The following CUX1 variants were observed in gnomAD, a reference collection of about 807,000 sequenced individuals.
CUX1 encodes the protein protein CASP.
A neutral mutation model predicts 158.8 loss-of-function variants in CUX1; 31 were observed. That is an observed-to-expected ratio of 0.20 (90% CI 0.15 to 0.26). The LOEUF (loss-of-function observed/expected upper bound fraction) is 0.26, where lower values mean the gene tolerates loss of function less well. Ranked by LOEUF, CUX1 falls within the 10% of genes least tolerant of loss-of-function variation. CUX1 has a pLI of 1.00. For missense variants in CUX1, 1,589 were observed against 2,014.6 expected (o/e 0.79, Z 4.04); for synonymous variants, 879 against 862.1 (o/e 1.02, Z -0.34).
At chr7:102,242,490 C>A (rs918646268) in intron 23 of CUX1, among the ~76,000 whole-genome samples, 1 of 152,202 alleles carries the variant, frequency 6.6e-6, no homozygotes, top group African/African-American at 2.4e-5. Flanking sequence ...GGATTACAGG[C>A]GTGAGCCACC....
In CUX1 at chr7:101,869,130, G is replaced by GT. The variant is rs1798220114; in HGVS notation, c.31-46984dup. 6.6e-6 allele frequency among the ~76,000 whole-genome samples: 1 copy of GT among 152,152 alleles called. No homozygotes were observed. The highest frequency in any genetic ancestry group is 6.5e-5 in the Admixed American group (1 of 15,276). On this transcript the variant is annotated intron_variant, in intron 1 of 23. Coordinates refer to ENST00000292535, the MANE Select transcript of CUX1 (RefSeq NM_181552.4). This position sits in a 1 kb window ranked among gnomAD's most constrained non-coding sequence, Gnocchi z 4.5. ...GGGCAGGTAGCAAAGGCCAGAAGGA[G>GT]TGGGAGTCATTCCACCTGGGATGTG...
At chr7:102,036,766 A>C (rs925302700) in intron 3 of CUX1, among the ~76,000 whole-genome samples, 33 of 151,492 alleles carry the variant, frequency 2.2e-4, no homozygotes, top group African/African-American at 6.8e-4. Context: ...ACAAACAAAA[A>C]AAAAAAAAAA....
At chr7:102,047,058 G>T (rs993146587) in intron 3 of CUX1, among the ~76,000 whole-genome samples, 1 of 152,164 alleles carries the variant, frequency 6.6e-6, no homozygotes. Context: ...CTCAGGGAAG[G>T]TCTGTTCATT....
chr7:102,203,013 C>G (rs969310044), intron 18 of CUX1, among the ~76,000 whole-genome samples: 18 of 152,300 alleles, frequency 1.2e-4, no homozygotes, highest in African/African-American at 4.3e-4. Flanking sequence ...GTCGCCCATG[C>G]TAGAGTGCAG....
chr7:102,256,691 C>G lies in CUX1; in HGVS notation c.*7649C>G. ...TTGAGGAGCTTCAGAGGAATCTTAGCAAAGCCAAGTTCAGTTCCCCAAAGC... is the reference window on the plus strand; with the variant it reads ...TTGAGGAGCTTCAGAGGAATCTTAGGAAAGCCAAGTTCAGTTCCCCAAAGC... On this transcript the variant is annotated 3_prime_UTR_variant, in exon 24 of 24. Coordinates refer to ENST00000292535, the MANE Select transcript of CUX1 (RefSeq NM_181552.4). 1 of 985,418 alleles carries G rather than the reference C, an allele frequency of 1.0e-6. No individual in the cohort carries two copies. The highest frequency in any genetic ancestry group is 1.2e-6 in the Non-Finnish European group (1 of 829,940). 61.0% of individuals were successfully genotyped at this position (985,418 alleles called of 1,614,324 possible). A position where few individuals can be genotyped will look rare whatever the true frequency, so the allele number is the denominator to read the frequency against.
At chr7:101,817,413 G>T (rs1791973890), upstream of CUX1, 2 of 984,606 alleles carry the variant, frequency 2.0e-6, no homozygotes, top group Non-Finnish European at 2.4e-6. The surrounding 1 kb of genome is among the most constrained non-coding windows in gnomAD (Gnocchi z 4.1). Context: ...CCGGGGGCCC[G>T]TTGGGACCGT....
intron 2 of CUX1, among the ~76,000 whole-genome samples, chr7:101,991,111 A>G (rs1815055223): frequency 6.6e-6 from 1 of 152,168 alleles, no homozygotes; most frequent in South Asian, 2.1e-4. Flanking sequence ...CCCCGCACCC[A>G]CAGGTTCAGA....
intron 2 of CUX1, among the ~76,000 whole-genome samples, chr7:101,922,423 T>C (rs548904359): frequency 1.3e-5 from 2 of 152,312 alleles, no homozygotes; most frequent in East Asian, 3.9e-4. Flanking sequence ...ACAGTTCTGC[T>C]TTTTGAGCCT....
chr7:101,942,953 G>A (rs1366126693), intron 2 of CUX1, among the ~76,000 whole-genome samples: 7 of 152,302 alleles, frequency 4.6e-5, no homozygotes, highest in Middle Eastern at 6.8e-3. Flanking sequence ...CAGCTTGGAC[G>A]GGAATCTGTC....
Position 102,251,902 on chromosome 7 carries a change from G to A in CUX1, c.*2860G>A. On this transcript the variant is annotated 3_prime_UTR_variant, in exon 24 of 24. Transcript: ENST00000292535. ...AAATACAGATTTGTCCATTCTAGTG[G>A]CCAAACAGTAACAGTCTAAAATGCA... The A allele has an allele frequency of 1.0e-6, 1 of 985,346 alleles. No homozygotes were observed. The highest frequency in any genetic ancestry group is 5.2e-4 in the Middle Eastern group (1 of 1,914). 61.0% of individuals were successfully genotyped at this position (985,346 alleles called of 1,614,324 possible). A position where few individuals can be genotyped will look rare whatever the true frequency, so the allele number is the denominator to read the frequency against.
intron 4 of CUX1, among the ~76,000 whole-genome samples, chr7:102,075,170 A>G (rs1826572725): frequency 6.6e-6 from 1 of 152,036 alleles, no homozygotes; most frequent in South Asian, 2.1e-4. Context: ...TGTTCTGAGC[A>G]TTTTGTCACC....
intron 2 of CUX1, among the ~76,000 whole-genome samples, chr7:101,994,946 AATT>A (rs1815651476): frequency 6.6e-6 from 1 of 151,402 alleles, no homozygotes; most frequent in Non-Finnish European, 1.5e-5. Flanking sequence ...AAAAAAAAAA[AATT>A]AGCCGGGCAT....
intron 1 of CUX1, among the ~76,000 whole-genome samples, chr7:101,914,329 A>T (rs1324847602): frequency 2.8e-5 from 4 of 145,122 alleles, no homozygotes; most frequent in Non-Finnish European, 6.0e-5. Flanking sequence ...CTGCTTTTTA[A>T]AGTGTCTACG....
chr7:102,037,947 C>T (rs1435449555), intron 3 of CUX1, among the ~76,000 whole-genome samples: 1 of 151,174 alleles, frequency 6.6e-6, no homozygotes, highest in Non-Finnish European at 1.5e-5. Flanking sequence ...CTCAGCTACT[C>T]GGGAGACTGA....
At chr7:102,180,946 ATTTT>A (rs1563363729) in intron 11 of CUX1, among the ~76,000 whole-genome samples, 1 of 125,288 alleles carries the variant, frequency 8.0e-6, no homozygotes, top group Non-Finnish European at 1.6e-5. Flanking sequence ...ATTTTATTTT[ATTTT>A]ATTTTATTTG....
intron 4 of CUX1, 115 bp from the exon 5 acceptor site, chr7:102,097,249 T>A: frequency 4.6e-6 from 6 of 1,300,180 alleles, no homozygotes; most frequent in Non-Finnish European, 6.2e-6. Flanking sequence ...GACTGTGGCC[T>A]CTGGGGAGCC....
intron 2 of CUX1, among the ~76,000 whole-genome samples, chr7:101,969,903 G>T (rs1005976581): frequency 7.0e-6 from 1 of 142,182 alleles, no homozygotes; most frequent in African/African-American, 2.6e-5. Context: ...GCCCCAACGC[G>T]TATCAGGATT....
chr7:102,006,634 C>T (rs148821110), intron 2 of CUX1, among the ~76,000 whole-genome samples: 1,761 of 152,302 alleles, frequency 0.012, 12 homozygotes, highest in South Asian at 0.049. Flanking sequence ...CCACCCGCTT[C>T]AGCCTCCCAA....
At chr7:101,816,760 C>G (rs1239686826), upstream of CUX1, among the ~76,000 whole-genome samples, 1 of 142,186 alleles carries the variant, frequency 7.0e-6, no homozygotes, top group Non-Finnish European at 1.6e-5. Flanking sequence ...CGGCCACCGG[C>G]GGCGGCGGCG....
Sources: gnomAD v4.1 joint callset for allele counts (sites outside exome capture counted in the v4.1 genomes callset) on GRCh38, gnomAD v4.1.1 for gene constraint, Gnocchi (gnomAD v3.1) non-coding constraint, MANE v1.5 for transcripts, NCBI Gene and HGNC (gene_info 2026-07-23, HGNC 2026-07-21) for gene names.